The following CCDC141 variants were observed in gnomAD, a reference collection of about 807,000 sequenced individuals.
CCDC141 encodes coiled-coil domain containing 141.
Under a neutral mutation model 181.0 loss-of-function variants are expected in CCDC141, and 168 were observed. The ratio of observed to expected loss-of-function variants is 0.93; its 90% CI spans 0.82 to 1.05. The LOEUF (loss-of-function observed/expected upper bound fraction) is 1.05, where lower values mean the gene tolerates loss of function less well. Ranked by LOEUF, CCDC141 falls within the 50% of genes least tolerant of loss-of-function variation. CCDC141 has a pLI of 0.00. For missense variants in CCDC141, 1,902 were observed against 1,788.5 expected, an observed-to-expected ratio of 1.06 and a Z score of -1.14; for synonymous variants, 666 against 642.3, an observed-to-expected ratio of 1.04 and a Z score of -0.56.
At chr2:178,904,738 C>T (rs1240930598) in intron 8 of CCDC141, among the ~76,000 whole-genome samples, 2 of 152,196 alleles carry the variant, frequency 1.3e-5, no homozygotes, top group Middle Eastern at 3.4e-3. Flanking sequence ...CAAGGTCTTT[C>T]TCTCTCTTCA....
chr2:178,878,770 T>C (rs1314327558), intron 11 of CCDC141, among the ~76,000 whole-genome samples: 1 of 152,232 alleles, frequency 6.6e-6, no homozygotes, highest in Non-Finnish European at 1.5e-5. Flanking sequence ...AAATCATATT[T>C]ATAAATTCTG....
intron 18 of CCDC141, 30 bp downstream of exon 18, chr2:178,856,227 G>T: frequency 6.4e-7 from 1 of 1,561,274 alleles, no homozygotes; most frequent in African/African-American, 1.4e-5. Flanking sequence ...ATACACATGC[G>T]CACATATACA....
intron 2 of CCDC141, among the ~76,000 whole-genome samples, chr2:179,000,609 T>C (rs1371120857): frequency 2.6e-5 from 4 of 152,166 alleles, no homozygotes; most frequent in Non-Finnish European, 5.9e-5. Flanking sequence ...TGGGATGCCA[T>C]AATTTATGCA....
chr2:178,842,371 A>G (rs926566743), intron 22 of CCDC141, among the ~76,000 whole-genome samples: 1 of 152,142 alleles, frequency 6.6e-6, no homozygotes, highest in Non-Finnish European at 1.5e-5. Flanking sequence ...CCCCTCAAAC[A>G]TCTTACCCAC....
chr2:178,949,542 G>C (rs954559717), intron 5 of CCDC141, among the ~76,000 whole-genome samples: 1 of 152,184 alleles, frequency 6.6e-6, no homozygotes, highest in Non-Finnish European at 1.5e-5. Context: ...CTGGAGAAGA[G>C]AAATGGTTCT....
chr2:178,839,851 T>A, intron 22 of CCDC141, among the ~76,000 whole-genome samples: 1 of 152,160 alleles, frequency 6.6e-6, no homozygotes, highest in East Asian at 1.9e-4. Context: ...TAGCTCGGTC[T>A]CTCTGTCCAT....
At chr2:179,008,135 T>C (rs2042165263) in intron 2 of CCDC141, among the ~76,000 whole-genome samples, 1 of 152,208 alleles carries the variant, frequency 6.6e-6, no homozygotes, top group Non-Finnish European at 1.5e-5. Context: ...AATAAATAGA[T>C]AGGCTTTAGG....
chr2:178,819,699 G>A, the CCDC141 span, among the ~76,000 whole-genome samples: 5 of 152,084 alleles, frequency 3.3e-5, no homozygotes, highest in Non-Finnish European at 4.4e-5. Flanking sequence ...ACCCATAAAT[G>A]CTGCTAAACA....
chr2:178,900,050 AATTTT>A (rs758039969), intron 8 of CCDC141, among the ~76,000 whole-genome samples: 5 of 152,186 alleles, frequency 3.3e-5, no homozygotes, highest in Admixed American at 6.5e-5. Context: ...GCCAAGAAAC[AATTTT>A]ATTTTATCTT....
intron 4 of CCDC141, among the ~76,000 whole-genome samples, chr2:178,964,290 C>T (rs1690525249): frequency 6.6e-6 from 1 of 152,116 alleles, no homozygotes; most frequent in African/African-American, 2.4e-5. Flanking sequence ...ACAGCCCACA[C>T]ACGAGAAGTT....
chr2:179,036,792 TAGA>T (rs1275262030), intron 2 of CCDC141, among the ~76,000 whole-genome samples: 4 of 152,178 alleles, frequency 2.6e-5, no homozygotes, highest in Non-Finnish European at 4.4e-5. Context: ...TTTACATACA[TAGA>T]AGATGAGAAC....
intron 6 of CCDC141, among the ~76,000 whole-genome samples, chr2:178,919,883 G>A (rs757791584): frequency 2.6e-5 from 4 of 152,022 alleles, no homozygotes; most frequent in Admixed American, 1.3e-4. Flanking sequence ...TCATGATATC[G>A]GTTTCACCTC....
intron 7 of CCDC141, among the ~76,000 whole-genome samples, chr2:178,911,809 C>G (rs572922957): frequency 6.6e-6 from 1 of 152,250 alleles, no homozygotes; most frequent in South Asian, 2.1e-4. Context: ...GGAAATGATA[C>G]AAAACAAGCA....
chr2:178,845,291 T>C (rs1186409530), intron 22 of CCDC141, among the ~76,000 whole-genome samples: 2 of 152,116 alleles, frequency 1.3e-5, no homozygotes. Flanking sequence ...TTGGATTGGA[T>C]ATAAAAAGAC....
Position 179,041,169 on chromosome 2 carries a change from T to C in CCDC141, c.225+6115A>G, listed in dbSNP as rs555829580. ...TCACTGCAAGCTCCGCCTCCTGGGT[T>C]CACGCCATTTTCCTGCCTCCACGCC... On this transcript the variant is annotated intron_variant, in intron 2 of 23. Coordinates refer to ENST00000443758, the MANE Select transcript of CCDC141 (RefSeq NM_173648.4). Among the ~76,000 whole-genome samples the C allele has an allele frequency of 2.6e-5, 4 of 152,258 alleles. No homozygotes were observed. In the East Asian group the frequency reaches 7.7e-4, roughly 29 times the overall value.
chr2:178,872,941 A>G (rs1272679283), intron 12 of CCDC141: 1 of 152,134 alleles, frequency 6.6e-6, no homozygotes, highest in East Asian at 1.9e-4. Flanking sequence ...GTTCTGCTTG[A>G]CTGGTTTGAA....
intron 2 of CCDC141, among the ~76,000 whole-genome samples, chr2:178,987,000 G>A (rs941745103): frequency 5.1e-4 from 78 of 151,986 alleles, no homozygotes; most frequent in Non-Finnish European, 7.9e-4. Flanking sequence ...AAAAGAGCCC[G>A]CATCGCCAAG....
chr2:178,817,064 A>G, the CCDC141 span, among the ~76,000 whole-genome samples: 1 of 152,230 alleles, frequency 6.6e-6, no homozygotes, highest in Non-Finnish European at 1.5e-5. Flanking sequence ...CAAAATATGT[A>G]ATATTCACAT....
At chr2:179,045,204 T>A (rs2043452847) in intron 2 of CCDC141, among the ~76,000 whole-genome samples, 1 of 139,718 alleles carries the variant, frequency 7.2e-6, no homozygotes, top group Non-Finnish European at 1.5e-5. Flanking sequence ...GATGTTCCCC[T>A]TCCTGTGTTC....
Sources: allele counts gnomAD v4.1 joint callset (sites outside exome capture counted in the v4.1 genomes callset), GRCh38; gene constraint gnomAD v4.1.1; transcripts MANE v1.5; gene names NCBI Gene and HGNC (gene_info 2026-07-23, HGNC 2026-07-21).